Variants in KCNH5 observed in about 807,000 individuals in gnomAD.
The protein encoded by KCNH5 is voltage-gated delayed rectifier potassium channel KCNH5.
A neutral mutation model predicts 96.1 loss-of-function variants in KCNH5; 46 were observed. The observed-to-expected ratio is 0.48, with a 90% CI of 0.38 to 0.61. The LOEUF (loss-of-function observed/expected upper bound fraction) is 0.61. KCNH5 is among the 20% of genes least tolerant of loss of function. The pLI, the probability that KCNH5 is intolerant of heterozygous loss-of-function variation, is 0.00. For missense variants in KCNH5, 907 were observed against 1,225.8 expected (o/e 0.74, Z 3.88); for synonymous variants, 439 against 449.8 (o/e 0.98, Z 0.30).
chr14:62,932,711 A>G (rs1179907472), intron 7 of KCNH5, among the ~76,000 whole-genome samples: 1 of 152,118 alleles, frequency 6.6e-6, no homozygotes, highest in African/African-American at 2.4e-5. Context: ...GGAACTAAAA[A>G]AAGATTCTAA....
At chr14:62,969,339 T>G (rs903217608) in intron 6 of KCNH5, among the ~76,000 whole-genome samples, 4 of 152,238 alleles carry the variant, frequency 2.6e-5, no homozygotes, top group Middle Eastern at 3.4e-3. Context: ...TAATCTATAC[T>G]TTCACCTTTG....
intron 7 of KCNH5, among the ~76,000 whole-genome samples, chr14:62,854,094 C>G (rs1421673038): frequency 6.6e-6 from 1 of 151,948 alleles, no homozygotes; most frequent in Non-Finnish European, 1.5e-5. Context: ...ATCCTCTTCC[C>G]TCACTATCAC....
At chr14:62,856,976 T>G (rs959867500) in intron 7 of KCNH5, among the ~76,000 whole-genome samples, 5 of 152,176 alleles carry the variant, frequency 3.3e-5, no homozygotes, top group African/African-American at 1.2e-4. Flanking sequence ...AATCACTATT[T>G]GAATGAACTG....
chr14:62,887,646 A>C (rs1262373510), intron 7 of KCNH5, among the ~76,000 whole-genome samples: 1 of 152,138 alleles, frequency 6.6e-6, no homozygotes, highest in African/African-American at 2.4e-5. Context: ...AGCTGGGGTC[A>C]GAATATAGCG....
At chr14:62,951,111 G>A (rs1320398866) in intron 6 of KCNH5, among the ~76,000 whole-genome samples, 2 of 152,176 alleles carry the variant, frequency 1.3e-5, no homozygotes, top group Non-Finnish European at 2.9e-5. Context: ...ACTACCTCCT[G>A]CCACAATCAT....
chr14:62,979,425 T>C (rs1890564760), intron 6 of KCNH5, among the ~76,000 whole-genome samples: 1 of 151,986 alleles, frequency 6.6e-6, no homozygotes, highest in African/African-American at 2.4e-5. Flanking sequence ...ACACTTAAAT[T>C]TGGGGGAAAT....
At chr14:62,944,909 A>G (rs559992840) in intron 7 of KCNH5, among the ~76,000 whole-genome samples, 1 of 152,296 alleles carries the variant, frequency 6.6e-6, no homozygotes, top group South Asian at 2.1e-4. Context: ...ATTGGTATAC[A>G]AACAGAAAAC....
chr14:63,044,998 C>T (rs1473071746), intron 1 of KCNH5, 116 bp downstream of exon 1: 5 of 829,976 alleles, frequency 6.0e-6, no homozygotes, highest in Non-Finnish European at 8.0e-6. Flanking sequence ...ATGAAACCAC[C>T]AGGTAAGGCT....
At chr14:62,977,896 G>A (rs973029531) in intron 6 of KCNH5, among the ~76,000 whole-genome samples, 6 of 152,198 alleles carry the variant, frequency 3.9e-5, no homozygotes, top group South Asian at 2.1e-4. Flanking sequence ...CTGTGAAAGA[G>A]GGAAGGAAGA....
At chr14:63,001,929 T>C (rs561553987) in intron 3 of KCNH5, among the ~76,000 whole-genome samples, 1 of 152,296 alleles carries the variant, frequency 6.6e-6, no homozygotes, top group East Asian at 1.9e-4. Context: ...AGCATTCCTC[T>C]TGGAGGAACA....
intron 7 of KCNH5, among the ~76,000 whole-genome samples, chr14:62,870,871 A>T: frequency 6.6e-6 from 1 of 152,218 alleles, no homozygotes; most frequent in East Asian, 1.9e-4. Flanking sequence ...TGCTTGTTCA[A>T]GGTCAAACCG....
At chr14:62,883,949 A>G (rs113753782) in intron 7 of KCNH5, among the ~76,000 whole-genome samples, 2 of 152,148 alleles carry the variant, frequency 1.3e-5, no homozygotes, top group South Asian at 2.1e-4. Flanking sequence ...ATCTAGGTAT[A>G]TAATCATAGC....
chr14:62,857,471 A>T (rs1887951775), intron 7 of KCNH5, among the ~76,000 whole-genome samples: 1 of 152,134 alleles, frequency 6.6e-6, no homozygotes, highest in South Asian at 2.1e-4. Flanking sequence ...ATTAATCTTA[A>T]TATATAAAGG....
At chr14:62,808,655 G>T (rs1886816387) in intron 8 of KCNH5, among the ~76,000 whole-genome samples, 1 of 152,036 alleles carries the variant, frequency 6.6e-6, no homozygotes, top group Non-Finnish European at 1.5e-5. Context: ...GACTGTATTT[G>T]CATAAATATG....
chr14:62,811,011 T>C (rs1886862400), intron 8 of KCNH5, among the ~76,000 whole-genome samples: 1 of 152,050 alleles, frequency 6.6e-6, no homozygotes, highest in Non-Finnish European at 1.5e-5. Flanking sequence ...GGGTAAGTGT[T>C]GGGGTCCTGT....
intron 7 of KCNH5, among the ~76,000 whole-genome samples, chr14:62,937,437 G>A (rs1258978862): frequency 1.3e-5 from 2 of 152,126 alleles, no homozygotes; most frequent in Admixed American, 6.6e-5. Flanking sequence ...CAAAGTAAGG[G>A]CTACTATCCT....
rs1404079106 is a variant in KCNH5, at chr14:63,036,378, G to A, written c.73+8736C>T. On this transcript the variant is annotated intron_variant, in intron 1 of 10. Transcript: ENST00000322893. ...TACAGGAGACACAAAAGAAAGCTAA[G>A]GACTGATAATCTAGTTGGAAAGTAA... Among the ~76,000 whole-genome samples, 3 of 152,000 alleles carry A rather than the reference G, an allele frequency of 2.0e-5. No individual in the cohort carries two copies. The East Asian group carries it at 5.8e-4, about 29-fold the overall frequency.
intron 8 of KCNH5, among the ~76,000 whole-genome samples, chr14:62,805,213 T>C (rs1886740826): frequency 6.6e-6 from 1 of 152,202 alleles, no homozygotes; most frequent in Non-Finnish European, 1.5e-5. Flanking sequence ...GTCATGTTAT[T>C]TCCTTTTAAT....
At chr14:62,766,252 T>C (rs1047390976) in intron 10 of KCNH5, among the ~76,000 whole-genome samples, 7 of 152,152 alleles carry the variant, frequency 4.6e-5, no homozygotes, top group African/African-American at 1.7e-4. Context: ...ACAACCACTA[T>C]GTATAACAAA....
Sources: allele counts gnomAD v4.1 joint callset (sites outside exome capture counted in the v4.1 genomes callset), GRCh38; gene constraint gnomAD v4.1.1; transcripts MANE v1.5; gene names NCBI Gene and HGNC (gene_info 2026-07-23, HGNC 2026-07-21).